The following GRAMD1B variants were observed in gnomAD, a reference collection of about 807,000 sequenced individuals.
The protein encoded by GRAMD1B is protein Aster-B.
Under a neutral mutation model 99.7 loss-of-function variants are expected in GRAMD1B, and 37 were observed. The observed-to-expected ratio is 0.37, with a 90% CI of 0.29 to 0.49. The LOEUF (loss-of-function observed/expected upper bound fraction) is 0.49. Among genes scored for constraint, GRAMD1B ranks in the 20% least tolerant of loss-of-function variants. GRAMD1B has a pLI of 0.98. For missense variants in GRAMD1B, 888 were observed against 1,009.2 expected (o/e 0.88, Z 1.63); for synonymous variants, 427 against 387.6 (o/e 1.10, Z -1.19).
chr11:123,549,603 C>A (rs966561296), intron 2 of GRAMD1B, among the ~76,000 whole-genome samples: 1 of 151,982 alleles, frequency 6.6e-6, no homozygotes, highest in Admixed American at 6.6e-5. Context: ...TCATCTAAGT[C>A]ATCTTAGACC....
chr11:123,409,066 T>C (rs991215743), intron 1 of GRAMD1B, among the ~76,000 whole-genome samples: 5 of 152,244 alleles, frequency 3.3e-5, no homozygotes, highest in Admixed American at 2.0e-4. Flanking sequence ...AAAAGAAATA[T>C]GATTACATAG....
At chr11:123,566,222 C>G (rs1000335856) in intron 2 of GRAMD1B, among the ~76,000 whole-genome samples, 4 of 152,070 alleles carry the variant, frequency 2.6e-5, no homozygotes, top group Non-Finnish European at 5.9e-5. Flanking sequence ...CACAGGTGCA[C>G]AGAAAGAAAA....
intron 8 of GRAMD1B, among the ~76,000 whole-genome samples, chr11:123,602,378 T>A (rs1952096316): frequency 6.6e-6 from 1 of 151,950 alleles, no homozygotes; most frequent in South Asian, 2.1e-4. Flanking sequence ...TATTTTTAAA[T>A]TTTTTTATTA....
At chr11:123,413,532 A>G (rs545708976) in intron 1 of GRAMD1B, among the ~76,000 whole-genome samples, 2 of 152,128 alleles carry the variant, frequency 1.3e-5, no homozygotes, top group East Asian at 3.9e-4. Flanking sequence ...TAATGGAGGC[A>G]TGAATTTAAT....
chr11:123,429,518 G>A (rs1040251956), upstream of GRAMD1B, among the ~76,000 whole-genome samples: 1 of 152,144 alleles, frequency 6.6e-6, no homozygotes, highest in African/African-American at 2.4e-5. The surrounding 1 kb of genome is among the most constrained non-coding windows in gnomAD (Gnocchi z 4.0). Flanking sequence ...TCAGCCCTCA[G>A]CAATGTAAGG....
At position 123,431,056 on chromosome 11, in the gene GRAMD1B, G is replaced by C; in HGVS notation, c.264G>C (p.Glu88Asp). 1 of 703,028 alleles carries C rather than the reference G, an allele frequency of 1.4e-6. No individual in the cohort carries two copies. Among genetic ancestry groups the C allele is most frequent in the South Asian group, 1.5e-5 (1 of 67,602 alleles). 43.5% of individuals were successfully genotyped at this position (703,028 alleles called of 1,614,324 possible). ...TCGAGATCACGCCCTCCAGCGACGA[G>C]GACACCCCGTGGTCCAACTGCTCCA... is the stretch of plus-strand genomic sequence containing the variant. ...PSIEITPSSDEDTPWSNCSTP... is the reference protein window; with the variant it reads ...PSIEITPSSDDDTPWSNCSTP... Residue 88 changes from glutamate (E) to aspartate (D), a missense_variant, in exon 1 of 20, where the codon GAG (glutamate) becomes GAC (aspartate). Physicochemically the swap from Glu to Asp is conservative, Grantham distance 45. Transcript: ENST00000635736.
intron 1 of GRAMD1B, among the ~76,000 whole-genome samples, chr11:123,450,425 T>C (rs944160600): frequency 1.3e-5 from 2 of 152,210 alleles, no homozygotes; most frequent in African/African-American, 2.4e-5. Context: ...ACATGCCAGA[T>C]ACCGTTCCTA....
intron 1 of GRAMD1B, among the ~76,000 whole-genome samples, chr11:123,468,645 T>C (rs1053386272): frequency 1.3e-5 from 2 of 151,490 alleles, no homozygotes; most frequent in African/African-American, 2.4e-5. Context: ...AATACAAAAA[T>C]CAGCCCGGTG....
rs182292408 is a variant in GRAMD1B at position 123,594,150 on chromosome 11, G to A, written c.753G>A (p.Thr251=). Residue 251 remains threonine, a synonymous_variant, in exon 5 of 20, where the codon ACG becomes ACA. Coordinates refer to ENST00000635736, the MANE Select transcript of GRAMD1B (RefSeq NM_001387025.1). The stretch of plus-strand genomic sequence containing the variant: ...AGCTCTTTAAGCAGCTTCCAGACAC[G>A]GAGCGCCTCATTGTTGGTGAGTTGG... ...FRKLFKQLPD[T]ERLIVDYSCA... 271 of 1,611,740 alleles carry A rather than the reference G, an allele frequency of 1.7e-4. No homozygotes were observed. In the African/African-American group the frequency reaches 3.2e-3, roughly 19 times the overall value.
intron 1 of GRAMD1B, among the ~76,000 whole-genome samples, chr11:123,448,279 G>A (rs1704187464): frequency 1.3e-5 from 2 of 151,594 alleles, no homozygotes; most frequent in African/African-American, 4.9e-5. Context: ...TTTTGAGGCA[G>A]TCTTGCTCTG....
intron 2 of GRAMD1B, among the ~76,000 whole-genome samples, chr11:123,488,000 G>A (rs184012794): frequency 5.8e-4 from 89 of 152,356 alleles, no homozygotes; most frequent in Admixed American, 1.2e-3. Flanking sequence ...GTACATCACA[G>A]AAAATTATTT....
At chr11:123,583,212 G>C (rs958560250) in intron 3 of GRAMD1B, among the ~76,000 whole-genome samples, 1 of 151,246 alleles carries the variant, frequency 6.6e-6, no homozygotes, top group East Asian at 1.9e-4. Flanking sequence ...ACGTGTATTC[G>C]TGCGTGTGTG....
intron 1 of GRAMD1B, among the ~76,000 whole-genome samples, chr11:123,474,719 A>AT (rs897745798): frequency 3.1e-5 from 1 of 32,596 alleles, no homozygotes; most frequent in Non-Finnish European, 5.6e-5. Flanking sequence ...ATATTTCCCC[A>AT]TTTTTATTAA....
Position 123,582,735 on chromosome 11 carries a change from G to A in GRAMD1B, c.664-1577G>A, listed in dbSNP as rs536525448. Among the ~76,000 whole-genome samples, 13 of 152,200 alleles carry A rather than the reference G, an allele frequency of 8.5e-5. No homozygotes were observed. The South Asian group carries it at 2.3e-3, about 27-fold the overall frequency. ...TGGAATGGGGGAGATAGATCACATG[G>A]CCACTGGTCATCACCGCGGGCACAC... On this transcript the variant is annotated intron_variant, in intron 3 of 19. Coordinates refer to ENST00000635736, the MANE Select transcript of GRAMD1B (RefSeq NM_001387025.1).
intron 2 of GRAMD1B, among the ~76,000 whole-genome samples, chr11:123,490,092 T>C (rs1938376340): frequency 1.3e-5 from 2 of 152,228 alleles, no homozygotes; most frequent in South Asian, 2.1e-4. Context: ...CACTATGTAC[T>C]GGGATTTCCA....
At chr11:123,360,280 C>T (rs1369502409) in intron 1 of GRAMD1B, among the ~76,000 whole-genome samples, 2 of 152,194 alleles carry the variant, frequency 1.3e-5, no homozygotes, top group Non-Finnish European at 2.9e-5. Flanking sequence ...ACTTGAAGAT[C>T]ATGTCTCTTG....
At chr11:123,571,332 G>A (rs192652420) in intron 2 of GRAMD1B, among the ~76,000 whole-genome samples, 131 of 152,310 alleles carry the variant, frequency 8.6e-4, no homozygotes, top group African/African-American at 2.8e-3. Flanking sequence ...AGCGGCCACC[G>A]TGTCTGCAGT....
intron 2 of GRAMD1B, among the ~76,000 whole-genome samples, chr11:123,508,649 T>G (rs1940670555): frequency 6.6e-6 from 1 of 152,218 alleles, no homozygotes; most frequent in Non-Finnish European, 1.5e-5. Context: ...AAAGTCAGAC[T>G]TGAACAGAAG....
At chr11:123,575,932 G>A (rs1010462264) in intron 2 of GRAMD1B, among the ~76,000 whole-genome samples, 6 of 152,066 alleles carry the variant, frequency 3.9e-5, no homozygotes, top group African/African-American at 1.4e-4. Flanking sequence ...GTGGAACATT[G>A]GGCCTTGCTT....
Sources: gnomAD v4.1 joint callset for allele counts (sites outside exome capture counted in the v4.1 genomes callset) on GRCh38, gnomAD v4.1.1 for gene constraint, Gnocchi (gnomAD v3.1) non-coding constraint, MANE v1.5 for transcripts, NCBI Gene and HGNC (gene_info 2026-07-23, HGNC 2026-07-21) for gene names.